The following CRLS1 variants were observed in gnomAD, a reference collection of about 807,000 sequenced individuals.
CRLS1 encodes cardiolipin synthase 1, also known as cardiolipin synthase (CMP-forming).
A neutral mutation model predicts 37.0 loss-of-function variants in CRLS1; 24 were observed. The ratio of observed to expected loss-of-function variants is 0.65; its 90% CI spans 0.47 to 0.91. CRLS1 has a LOEUF of 0.91. Ranked by LOEUF, CRLS1 falls within the 40% of genes least tolerant of loss-of-function variation. CRLS1 has a pLI of 0.00. For synonymous variants in CRLS1, 135 were observed against 159.7 expected, an observed-to-expected ratio of 0.85 and a Z score of 1.17; for missense variants, 373 against 395.8, an observed-to-expected ratio of 0.94 and a Z score of 0.49.
At chr20:6,021,080 T>C (rs1216577809) in intron 3 of CRLS1, among the ~76,000 whole-genome samples, 2 of 149,948 alleles carry the variant, frequency 1.3e-5, no homozygotes, top group South Asian at 2.1e-4. Context: ...TTTTTTTTTT[T>C]TTTTGAGACG....
At chr20:6,016,054 G>GT (rs1356921473) in intron 3 of CRLS1, 1 of 155,460 alleles carries the variant, frequency 6.4e-6, no homozygotes, top group Admixed American at 6.5e-5. Flanking sequence ...TTCTTCAGTC[G>GT]TATTTCTCAG....
chr20:6,036,629 A>G (rs896790285), intron 6 of CRLS1, among the ~76,000 whole-genome samples: 1 of 152,244 alleles, frequency 6.6e-6, no homozygotes, highest in Non-Finnish European at 1.5e-5. Flanking sequence ...AGGCTCAAAC[A>G]TAGTTCTGTG....
intron 6 of CRLS1, among the ~76,000 whole-genome samples, chr20:6,036,646 C>G (rs16991686): frequency 0.045 from 6,814 of 152,178 alleles, 511 homozygotes; most frequent in African/African-American, 0.15. Context: ...TGTGATAAGC[C>G]CTGAGCAAGT....
intron 2 of CRLS1, 122 bp downstream of exon 2, chr20:6,010,034 G>A (rs540978247): frequency 5.7e-5 from 55 of 971,454 alleles, no homozygotes; most frequent in East Asian, 5.3e-4. Context: ...TGAATTTGAC[G>A]TGGTACTTTT....
chr20:6,025,025 C>T (rs1979565395), intron 3 of CRLS1, among the ~76,000 whole-genome samples: 1 of 152,188 alleles, frequency 6.6e-6, no homozygotes, highest in South Asian at 2.1e-4. Context: ...CAAGATGAAG[C>T]AGCAGGCACT....
chr20:6,035,313 G>GT (rs1485318672), intron 6 of CRLS1, among the ~76,000 whole-genome samples: 1 of 152,162 alleles, frequency 6.6e-6, no homozygotes, highest in Non-Finnish European at 1.5e-5. Flanking sequence ...GGCTTTTTGA[G>GT]TGTAGGTCCA....
Position 6,006,556 on chromosome 20 carries a change from C to T in CRLS1, c.306+4C>T, listed in dbSNP as rs1013111803. 7.9e-7 allele frequency: 1 copy of T among 1,270,710 alleles called. No individual in the cohort carries two copies. Among genetic ancestry groups the T allele is most frequent in the Non-Finnish European group, 9.9e-7 (1 of 1,013,120 alleles). 78.7% of individuals were successfully genotyped at this position (1,270,710 alleles called of 1,614,324 possible). On this transcript the variant is annotated splice_donor_region_variant and intron_variant, in intron 1 of 6. Transcript: ENST00000378863. ...CCCGGCGAGCACCCCCAGCCTGGTA[C>T]GTACCGATGAGGCGGCGGCGGGCCG...
At chr20:6,023,573 C>T (rs964980872) in intron 3 of CRLS1, among the ~76,000 whole-genome samples, 1 of 152,080 alleles carries the variant, frequency 6.6e-6, no homozygotes, top group Non-Finnish European at 1.5e-5. Flanking sequence ...ACTGTCACCC[C>T]ATCATAACTG....
intron 3 of CRLS1, among the ~76,000 whole-genome samples, chr20:6,017,375 A>C (rs1978841690): frequency 6.6e-6 from 1 of 152,176 alleles, no homozygotes; most frequent in South Asian, 2.1e-4. Context: ...AGAAAATGTG[A>C]TTCCTAATTG....
intron 3 of CRLS1, among the ~76,000 whole-genome samples, chr20:6,016,941 A>G (rs549077040): frequency 1.3e-5 from 2 of 152,276 alleles, no homozygotes; most frequent in East Asian, 1.9e-4. Flanking sequence ...TCTTCCATAC[A>G]TGATTGACAG....
intron 1 of CRLS1, among the ~76,000 whole-genome samples, chr20:6,007,650 T>C (rs1374043443): frequency 6.6e-6 from 1 of 152,218 alleles, no homozygotes; most frequent in African/African-American, 2.4e-5. Context: ...TGAAGTTAAT[T>C]TGGGGACCTT....
At chr20:6,015,018 TTTCTTTGGG>T (rs1203504799) in intron 2 of CRLS1, among the ~76,000 whole-genome samples, 2 of 152,192 alleles carry the variant, frequency 1.3e-5, no homozygotes, top group Admixed American at 1.3e-4. Context: ...TTCTTTGAGT[TTTCTTTGGG>T]TTCTTTATAG....
At chr20:6,034,011 G>A (rs1980373129) in intron 5 of CRLS1, among the ~76,000 whole-genome samples, 1 of 152,312 alleles carries the variant, frequency 6.6e-6, no homozygotes, top group South Asian at 2.1e-4. Context: ...AAGGAGCATC[G>A]GATAAGGCCC....
chr20:6,009,839 T>G lies in CRLS1; in HGVS notation c.371T>G (p.Leu124Arg). Residue 124 changes from leucine (L) to arginine (R), a missense_variant, in exon 2 of 7, where the codon CTG (leucine) becomes CGG (arginine). Leu to Arg is a moderately radical substitution (Grantham distance 102). Coordinates refer to ENST00000378863, the MANE Select transcript of CRLS1 (RefSeq NM_019095.6). ...ACGAGAATTGGCTTGGCCCCAGTTC[T>G]GGGCTATTTGATTATTGAAGAAGAT... ...SMTRIGLAPV[L>R]GYLIIEEDFN... 6.2e-7 allele frequency: 1 copy of G among 1,614,184 alleles called. No individual in the cohort carries two copies. The highest frequency in any genetic ancestry group is 8.5e-7 in the Non-Finnish European group (1 of 1,179,994).
At chr20:6,006,808 C>T (rs1034262616) in intron 1 of CRLS1, 1 of 985,368 alleles carries the variant, frequency 1.0e-6, no homozygotes, top group South Asian at 4.7e-5. Context: ...GCTGGAAGGG[C>T]CGCCTCTGCA....
intron 3 of CRLS1, among the ~76,000 whole-genome samples, chr20:6,029,358 CTTTTT>C (rs11087707): frequency 7.8e-6 from 1 of 127,580 alleles, no homozygotes; most frequent in African/African-American, 2.9e-5. Context: ...ATTTGCTGCT[CTTTTT>C]TTTTTTTTTT....
intron 2 of CRLS1, among the ~76,000 whole-genome samples, chr20:6,015,083 C>A (rs191764685): frequency 6.6e-6 from 1 of 152,066 alleles, no homozygotes; most frequent in East Asian, 1.9e-4. Context: ...TATTTGGGTT[C>A]ATCCCACAAA....
rs1468593167 is a variant in CRLS1 at position 6,034,507 on chromosome 20, C to T, written c.773C>T (p.Ala258Val). Residue 258 changes from alanine to valine, a missense_variant, in exon 6 of 7, where the codon GCA becomes GTA. Transcript: ENST00000378863. Reference protein sequence around the residue: ...VQLILVAASLAAPVFNYADSI... With the variant: ...VQLILVAASLVAPVFNYADSI... Reference sequence around the variant, plus strand: ...TTAATCTTGGTGGCAGCTTCTTTGGCAGCTCCAGTTTTCAACTATGCTGAC... The same window carrying T: ...TTAATCTTGGTGGCAGCTTCTTTGGTAGCTCCAGTTTTCAACTATGCTGAC... The T allele has an allele frequency of 4.3e-6, 7 of 1,613,014 alleles. No homozygotes were observed. Among genetic ancestry groups the T allele is most frequent in the Admixed American group, 1.7e-5 (1 of 60,014 alleles).
chr20:6,030,410 G>A (rs1980070348), intron 3 of CRLS1, among the ~76,000 whole-genome samples: 1 of 152,130 alleles, frequency 6.6e-6, no homozygotes, highest in African/African-American at 2.4e-5. Flanking sequence ...TCCCTGGGAA[G>A]GAACTGGCTG....
Sources: allele counts gnomAD v4.1 joint callset (sites outside exome capture counted in the v4.1 genomes callset), GRCh38; gene constraint gnomAD v4.1.1; transcripts MANE v1.5; gene names NCBI Gene and HGNC (gene_info 2026-07-23, HGNC 2026-07-21).